The following DPF3 variants were observed in gnomAD, a reference collection of about 807,000 sequenced individuals.
The protein encoded by DPF3 is double PHD fingers 3, also known as zinc finger protein DPF3.
In DPF3, 18 loss-of-function variants were observed where a neutral mutation model predicts 56.8. The ratio of observed to expected loss-of-function variants is 0.32; its 90% CI spans 0.22 to 0.47. DPF3 has a LOEUF of 0.47. Among genes scored for constraint, DPF3 ranks in the 20% least tolerant of loss-of-function variants. DPF3 has a pLI of 1.00. For synonymous variants in DPF3, 188 were observed against 180.2 expected (o/e 1.04, Z -0.35); for missense variants, 403 against 488.8 (o/e 0.82, Z 1.65).
chr14:72,851,048 G>C (rs1181329090), intron 1 of DPF3, among the ~76,000 whole-genome samples: 1 of 152,174 alleles, frequency 6.6e-6, no homozygotes, highest in Non-Finnish European at 1.5e-5. Context: ...TTTTCAAGAA[G>C]CCAGGAATAT....
intron 1 of DPF3, among the ~76,000 whole-genome samples, chr14:72,817,871 T>TAAA (rs1883356853): frequency 6.6e-6 from 1 of 152,242 alleles, no homozygotes; most frequent in South Asian, 2.1e-4. Flanking sequence ...ATCCATATTT[T>TAAA]AAAAGTAAAC....
chr14:72,837,989 G>A (rs768517447), intron 1 of DPF3, among the ~76,000 whole-genome samples: 4 of 152,126 alleles, frequency 2.6e-5, no homozygotes, highest in Non-Finnish European at 4.4e-5. Flanking sequence ...TCCCCTCCTG[G>A]AATCTGTGGC....
rs377564219 is a variant in DPF3, at chr14:72,835,732, C to G, written c.32+58325G>C. Among the ~76,000 whole-genome samples, 231 of 152,250 alleles carry G rather than the reference C, an allele frequency of 1.5e-3. 1 individual carries two copies. The highest frequency in any genetic ancestry group is 5.1e-3 in the African/African-American group (213 of 41,554). ...CCTGGCTACTCACTCTGTGCTCGGG[C>G]CGCCTCGCCCACTTGTAAAACCCCA... On this transcript the variant is annotated intron_variant, in intron 1 of 10. Transcript: ENST00000556509.
At chr14:72,893,611 C>A (rs1886864017) in intron 1 of DPF3, among the ~76,000 whole-genome samples, 1 of 151,846 alleles carries the variant, frequency 6.6e-6, no homozygotes. Flanking sequence ...GGGCCGCGGG[C>A]TCGGGGGCGC....
intron 6 of DPF3, among the ~76,000 whole-genome samples, chr14:72,704,890 C>T (rs988004719): frequency 4.6e-5 from 7 of 152,178 alleles, no homozygotes; most frequent in Non-Finnish European, 7.3e-5. Flanking sequence ...GCTATCACCA[C>T]CATCCAGATT....
intron 8 of DPF3, among the ~76,000 whole-genome samples, chr14:72,673,334 A>T (rs1340735975): frequency 1.3e-5 from 2 of 152,212 alleles, no homozygotes; most frequent in African/African-American, 4.8e-5. Context: ...GGAACAAAGC[A>T]TCCAACCAAA....
intron 8 of DPF3, chr14:72,671,252 T>C: frequency 6.2e-7 from 1 of 1,613,976 alleles, no homozygotes; most frequent in Non-Finnish European, 8.5e-7. Context: ...GACGTGTCAC[T>C]TTCTGACGTG....
At position 72,612,384 on chromosome 14, in the gene DPF3, T is replaced by G. The variant is rs1883779320; in HGVS notation, c.*6913A>C. On this transcript the variant is annotated 3_prime_UTR_variant, in exon 11 of 11. Coordinates refer to ENST00000556509, the MANE Select transcript of DPF3 (RefSeq NM_001280542.3). The stretch of plus-strand genomic sequence containing the variant: ...ACCTCCTCTGCTCTGAGATAATCAT[T>G]CTATATTTTCATGCTCTTGCTCACA... 7 of 490,436 alleles carry G rather than the reference T, an allele frequency of 1.4e-5. No homozygotes were observed. The highest frequency in any genetic ancestry group is 1.6e-5 in the Non-Finnish European group (4 of 245,148). 30.4% of individuals were successfully genotyped at this position (490,436 alleles called of 1,614,324 possible).
intron 1 of DPF3, among the ~76,000 whole-genome samples, chr14:72,782,541 A>G (rs978146996): frequency 2.0e-5 from 3 of 152,182 alleles, no homozygotes; most frequent in Non-Finnish European, 4.4e-5. Flanking sequence ...ATCTTTTAAA[A>G]ACAGAAATCA....
intron 2 of DPF3, among the ~76,000 whole-genome samples, chr14:72,759,278 A>G (rs577571839): frequency 2.0e-5 from 3 of 152,332 alleles, no homozygotes; most frequent in African/African-American, 4.8e-5. Flanking sequence ...AAAAACAGAA[A>G]AGAAAAAAAA....
chr14:72,758,730 C>T (rs529438008), intron 2 of DPF3, among the ~76,000 whole-genome samples: 1 of 152,274 alleles, frequency 6.6e-6, no homozygotes, highest in South Asian at 2.1e-4. Context: ...AAGATCTTGC[C>T]TCACTAATAG....
intron 1 of DPF3, among the ~76,000 whole-genome samples, chr14:72,834,875 AG>A (rs1884224951): frequency 6.6e-6 from 1 of 152,212 alleles, no homozygotes; most frequent in Non-Finnish European, 1.5e-5. Context: ...ATAAAAAGGA[AG>A]GGAGTACTGA....
At chr14:72,843,509 A>G (rs1193204232) in intron 1 of DPF3, among the ~76,000 whole-genome samples, 1 of 152,218 alleles carries the variant, frequency 6.6e-6, no homozygotes, top group South Asian at 2.1e-4. Context: ...GCTTCCATTC[A>G]GTTCAATAAT....
intron 6 of DPF3, among the ~76,000 whole-genome samples, chr14:72,713,075 A>G (rs1888725217): frequency 6.6e-6 from 1 of 152,242 alleles, no homozygotes; most frequent in Non-Finnish European, 1.5e-5. Flanking sequence ...TCTATGTATC[A>G]GAGTGAAACT....
At chr14:72,721,606 ACT>A (rs1274122333) in intron 5 of DPF3, among the ~76,000 whole-genome samples, 1 of 152,146 alleles carries the variant, frequency 6.6e-6, no homozygotes, top group African/African-American at 2.4e-5. Flanking sequence ...GGCTGACAAC[ACT>A]CAAATCTACT....
intron 3 of DPF3, among the ~76,000 whole-genome samples, chr14:72,746,582 C>T (rs764654714): frequency 3.9e-5 from 6 of 152,272 alleles, no homozygotes; most frequent in South Asian, 2.1e-4. Flanking sequence ...ATTCCAGCCC[C>T]GGCTGTTCAT....
At chr14:72,757,059 AAGG>A (rs1890869025) in intron 2 of DPF3, among the ~76,000 whole-genome samples, 1 of 99,052 alleles carries the variant, frequency 1.0e-5, no homozygotes, top group East Asian at 3.5e-4. Flanking sequence ...GAGGGGGAGA[AAGG>A]GGGAGAGGAA....
In DPF3 at chr14:72,610,801, C is replaced by A. The variant is rs1403619223; in HGVS notation, c.*8496G>T. ...TCAAGGAGCTGGGGACCTGAGGGCT[C>A]AGGGCCCACCACTGGCTGCCTGGGG... On this transcript the variant is annotated 3_prime_UTR_variant, in exon 11 of 11. Coordinates refer to ENST00000556509, the MANE Select transcript of DPF3 (RefSeq NM_001280542.3). Among the ~76,000 whole-genome samples the A allele has an allele frequency of 6.6e-6, 1 of 152,156 alleles. No individual in the cohort carries two copies. Among genetic ancestry groups the A allele is most frequent in the African/African-American group, 2.4e-5 (1 of 41,432 alleles).
chr14:72,820,058 GATA>G (rs1239718167), intron 1 of DPF3, among the ~76,000 whole-genome samples: 1 of 152,114 alleles, frequency 6.6e-6, no homozygotes, highest in Non-Finnish European at 1.5e-5. Context: ...AACTTTTGGG[GATA>G]ATAATAATAT....
Sources: allele counts gnomAD v4.1 joint callset (sites outside exome capture counted in the v4.1 genomes callset), GRCh38; gene constraint gnomAD v4.1.1; transcripts MANE v1.5; gene names NCBI Gene and HGNC (gene_info 2026-07-23, HGNC 2026-07-21).